Variants in CLEC2B observed in about 807,000 individuals in gnomAD.
The protein encoded by CLEC2B is C-type (calcium dependent, carbohydrate-recognition domain) lectin, superfamily member 2 (activation-induced).
Under a neutral mutation model 16.2 loss-of-function variants are expected in CLEC2B, and 14 were observed. That is an observed-to-expected ratio of 0.86 (90% CI 0.57 to 1.35). The LOEUF is 1.35. Ranked by LOEUF, CLEC2B falls within the 40% of genes most tolerant of loss-of-function variation. The pLI is 0.00. For missense variants in CLEC2B, 166 were observed against 182.3 expected, an observed-to-expected ratio of 0.91 and a Z score of 0.52; for synonymous variants, 42 against 55.8, an observed-to-expected ratio of 0.75 and a Z score of 1.10.
In CLEC2B at chr12:9,853,226, A is replaced by G. The variant is rs1305094790; in HGVS notation, c.*74T>C. The G allele has an allele frequency of 1.3e-5, 15 of 1,193,390 alleles. No individual in the cohort carries two copies. In the South Asian group the frequency reaches 1.5e-4, roughly 12 times the overall value. The allele number at this position is 1,193,390 out of a possible 1,614,324, so 73.9% of individuals were successfully genotyped here. ...AGGTACAAAACTCGAACTTTGTTTAATTAAAAAAGTACTTTGCTGGTTTTA... is the reference window on the plus strand; with the variant it reads ...AGGTACAAAACTCGAACTTTGTTTAGTTAAAAAAGTACTTTGCTGGTTTTA... On this transcript the variant is annotated 3_prime_UTR_variant, in exon 5 of 5. Coordinates refer to ENST00000228438, the MANE Select transcript of CLEC2B (RefSeq NM_005127.3).
chr12:9,865,003 C>T (rs1036362123), intron 1 of CLEC2B, among the ~76,000 whole-genome samples: 18 of 151,794 alleles, frequency 1.2e-4, no homozygotes, highest in African/African-American at 3.9e-4. Context: ...TCCAACATAA[C>T]GAAACCACAT....
chr12:9,858,980 G>C (rs1867914430), intron 2 of CLEC2B, among the ~76,000 whole-genome samples: 1 of 151,918 alleles, frequency 6.6e-6, no homozygotes, highest in African/African-American at 2.4e-5. Context: ...AACATGACAA[G>C]ACATAAATTT....
At chr12:9,862,699 C>A in intron 1 of CLEC2B, 126 bp from the exon 2 acceptor site, 1 of 785,404 alleles carries the variant, frequency 1.3e-6, no homozygotes, top group Non-Finnish European at 1.7e-6. Context: ...TTATCCCCAG[C>A]AATATCCTAG....
intron 1 of CLEC2B, among the ~76,000 whole-genome samples, chr12:9,863,013 A>G (rs1447271742): frequency 1.3e-5 from 2 of 152,088 alleles, no homozygotes; most frequent in African/African-American, 4.8e-5. Flanking sequence ...AGGCAGGACT[A>G]CCATCCCCAA....
intron 2 of CLEC2B, among the ~76,000 whole-genome samples, chr12:9,861,466 TCTG>T (rs1867932352): frequency 2.0e-5 from 3 of 152,164 alleles, no homozygotes; most frequent in Admixed American, 2.0e-4. Context: ...CTCATATACT[TCTG>T]CTGAGATTAT....
chr12:9,869,054 T>A (rs1867994514), intron 1 of CLEC2B, among the ~76,000 whole-genome samples, 151 bp downstream of exon 1: 2 of 152,160 alleles, frequency 1.3e-5, no homozygotes, highest in South Asian at 4.1e-4. Flanking sequence ...GACAAAACAG[T>A]CATATGCAAA....
At chr12:9,862,641 G>A in intron 1 of CLEC2B, 68 bp from the exon 2 acceptor site, 1 of 1,294,314 alleles carries the variant, frequency 7.7e-7, no homozygotes, top group Non-Finnish European at 1.0e-6. Flanking sequence ...AAGTAAGTTG[G>A]CTTTAATGTC....
chr12:9,853,083 A>AAAGAAAGAG lies in CLEC2B; in HGVS notation c.*216_*217insCTCTTTCTT, dbSNP rs1867860198. On this transcript the variant is annotated 3_prime_UTR_variant, in exon 5 of 5. Transcript: ENST00000228438. ...AAAGAAAGAAAGAAAGAAAGAAAGA[A>AAAGAAAGAG]AGAGAGAGAGAGAAAGAAAGAAAGA... 6.8e-3 allele frequency: 2,218 copies of AAAGAAAGAG among 326,532 alleles called. No individual in the cohort carries two copies. The highest frequency in any genetic ancestry group is 0.01 in the African/African-American group (352 of 34,474). 20.2% of individuals were successfully genotyped at this position (326,532 alleles called of 1,614,324 possible). A position where few individuals can be genotyped will look rare whatever the true frequency, so the allele number is the denominator to read the frequency against.
intron 1 of CLEC2B, among the ~76,000 whole-genome samples, chr12:9,866,831 A>C (rs1867973472): frequency 1.3e-5 from 2 of 152,210 alleles, no homozygotes; most frequent in Non-Finnish European, 2.9e-5. Flanking sequence ...GATTTTAAAA[A>C]GAGGAAATAA....
intron 2 of CLEC2B, among the ~76,000 whole-genome samples, chr12:9,860,959 C>T (rs1867928425): frequency 6.6e-6 from 1 of 151,788 alleles, no homozygotes; most frequent in African/African-American, 2.4e-5. Context: ...AAATCAACTT[C>T]AAGAGGACTA....
At chr12:9,854,548 C>T (rs548416356) in intron 3 of CLEC2B, 64 bp from the exon 4 acceptor site, 43 of 1,070,502 alleles carry the variant, frequency 4.0e-5, no homozygotes, top group Non-Finnish European at 6.1e-5. Context: ...TACTGTGTAC[C>T]TCTTGTTTCG....
chr12:9,860,629 T>C (rs1027950325), intron 2 of CLEC2B, among the ~76,000 whole-genome samples: 3 of 151,852 alleles, frequency 2.0e-5, no homozygotes, highest in African/African-American at 7.2e-5. Context: ...TATGGCAGCT[T>C]AAAGGATCTA....
chr12:9,868,669 T>G (rs1325431136), intron 1 of CLEC2B, among the ~76,000 whole-genome samples: 1 of 152,122 alleles, frequency 6.6e-6, no homozygotes, highest in East Asian at 1.9e-4. Context: ...ATAGTGTATT[T>G]TTTAGAACAT....
In CLEC2B at chr12:9,857,592, A is replaced by T; in HGVS notation, c.119T>A (p.Ile40Asn). The T allele has an allele frequency of 1.2e-6, 2 of 1,611,374 alleles. No individual in the cohort carries two copies. Among genetic ancestry groups the T allele is most frequent in the Non-Finnish European group, 8.5e-7 (1 of 1,178,104 alleles). Residue 40 changes from isoleucine to asparagine, a missense_variant, in exon 3 of 5, where the codon ATT becomes AAT. Coordinates refer to ENST00000228438, the MANE Select transcript of CLEC2B (RefSeq NM_005127.3). ...ATAATAGCATTTGTTTTGGAAACCA[A>T]TCCAATCATAGGGGCATAAACTCTG... ...DSQSLCPYDW[I>N]GFQNKCYYFS...
At position 9,864,995 on chromosome 12, in the gene CLEC2B, C is replaced by T. The variant is rs553535329; in HGVS notation, c.-2-2422G>A. On this transcript the variant is annotated intron_variant, in intron 1 of 4. Coordinates refer to ENST00000228438, the MANE Select transcript of CLEC2B (RefSeq NM_005127.3). ...GTCAGGAGCTCAAGACTAGCCTGTC[C>T]AACATAACGAAACCACATTTCTACT... 1.2e-4 allele frequency among the ~76,000 whole-genome samples: 19 copies of T among 152,046 alleles called. No homozygotes were observed. The East Asian group carries it at 3.5e-3, about 28-fold the overall frequency.
intron 4 of CLEC2B, among the ~76,000 whole-genome samples, chr12:9,853,821 G>A (rs253156): frequency 0.39 from 59,766 of 151,844 alleles, 11,735 homozygotes; most frequent in Middle Eastern, 0.46. Context: ...CCTTTTCCAC[G>A]ACAGAGAGGT....
At chr12:9,860,843 G>C (rs1460550962) in intron 2 of CLEC2B, among the ~76,000 whole-genome samples, 1 of 151,830 alleles carries the variant, frequency 6.6e-6, no homozygotes, top group Non-Finnish European at 1.5e-5. Context: ...AAGACCAACT[G>C]CAGTTGAGTA....
intron 1 of CLEC2B, among the ~76,000 whole-genome samples, chr12:9,863,779 G>A (rs886959556): frequency 1.3e-5 from 2 of 151,842 alleles, no homozygotes; most frequent in Non-Finnish European, 2.9e-5. Flanking sequence ...TAAAAAGGAA[G>A]GAAGAATGCC....
intron 2 of CLEC2B, among the ~76,000 whole-genome samples, chr12:9,860,079 T>G (rs1478719348): frequency 6.6e-6 from 1 of 151,680 alleles, no homozygotes; most frequent in Admixed American, 6.6e-5. Context: ...AAAATTTTAC[T>G]GATTTAAGAA....
Sources: allele counts gnomAD v4.1 joint callset (sites outside exome capture counted in the v4.1 genomes callset), GRCh38; gene constraint gnomAD v4.1.1; transcripts MANE v1.5; gene names NCBI Gene and HGNC (gene_info 2026-07-23, HGNC 2026-07-21).